SGCD: variants seen among roughly 807,000 people sequenced by gnomAD.
SGCD encodes the protein sarcoglycan delta.
SGCD carries 18 observed loss-of-function variants against 36.6 expected under a neutral mutation model. That is an observed-to-expected ratio of 0.49 (90% CI 0.34 to 0.73). The LOEUF is 0.73. Among genes scored for constraint, SGCD ranks in the 30% least tolerant of loss-of-function variants. The pLI, the probability that SGCD is intolerant of heterozygous loss-of-function variation, is 0.01. For synonymous variants in SGCD, 133 were observed against 130.6 expected (o/e 1.02, Z -0.12); for missense variants, 387 against 346.7 (o/e 1.12, Z -0.92).
intron 1 of SGCD, among the ~76,000 whole-genome samples, chr5:155,892,092 G>A (rs188873283): frequency 6.6e-6 from 1 of 152,260 alleles, no homozygotes; most frequent in East Asian, 1.9e-4. Flanking sequence ...GAATAAATTA[G>A]ACACGTAGTC....
At chr5:156,558,983 G>T (rs796780690) in intron 4 of SGCD, among the ~76,000 whole-genome samples, 9 of 151,530 alleles carry the variant, frequency 5.9e-5, no homozygotes, top group African/African-American at 2.2e-4. Context: ...TGAATGGATT[G>T]CCAAAGCCAT....
intron 3 of SGCD, among the ~76,000 whole-genome samples, chr5:156,359,045 CATAAAT>C (rs1334879036): frequency 1.3e-5 from 2 of 152,124 alleles, no homozygotes; most frequent in African/African-American, 4.8e-5. Context: ...AGAAAAGAAT[CATAAAT>C]AGAAATAGGG....
At chr5:156,477,685 C>CA (rs11411986) in intron 3 of SGCD, among the ~76,000 whole-genome samples, 49,335 of 102,048 alleles carry the variant, frequency 0.48, 10,601 homozygotes, top group South Asian at 0.62. Flanking sequence ...AGTATTTGAG[C>CA]AAAAAAAAAA....
At chr5:155,894,152 T>C (rs1398250287) in intron 1 of SGCD, among the ~76,000 whole-genome samples, 1 of 152,198 alleles carries the variant, frequency 6.6e-6, no homozygotes, top group African/African-American at 2.4e-5. Flanking sequence ...ACTGGCCACT[T>C]AGGCCACACT....
intron 3 of SGCD, among the ~76,000 whole-genome samples, chr5:156,373,167 T>G (rs1318528595): frequency 6.6e-6 from 1 of 152,242 alleles, no homozygotes; most frequent in African/African-American, 2.4e-5. Flanking sequence ...ATTCATGTCT[T>G]TTAGATAATT....
At chr5:156,450,411 G>A (rs1398808790) in intron 3 of SGCD, among the ~76,000 whole-genome samples, 10 of 151,940 alleles carry the variant, frequency 6.6e-5, no homozygotes, top group Non-Finnish European at 1.5e-4. Flanking sequence ...CCAAAGGCAG[G>A]AATTTGGTTC....
chr5:155,872,709 C>T (rs1755680830), intron 1 of SGCD, among the ~76,000 whole-genome samples: 1 of 151,936 alleles, frequency 6.6e-6, no homozygotes, highest in Admixed American at 6.6e-5. Flanking sequence ...GATGCTGTAC[C>T]AAGGGAATTA....
intron 3 of SGCD, among the ~76,000 whole-genome samples, chr5:156,183,101 G>T (rs983547451): frequency 1.3e-5 from 2 of 152,166 alleles, no homozygotes; most frequent in African/African-American, 4.8e-5. Flanking sequence ...CCAACACAGT[G>T]AAATCCCATC....
chr5:156,085,164 TTTGTTGTTG>T (rs375003538), intron 1 of SGCD, among the ~76,000 whole-genome samples: 2,067 of 152,092 alleles, frequency 0.014, 27 homozygotes, highest in Non-Finnish European at 0.023. Flanking sequence ...TTTCATTCTT[TTTGTTGTTG>T]TTGTTGTTGT....
intron 1 of SGCD, among the ~76,000 whole-genome samples, chr5:156,061,919 C>CT (rs757769130): frequency 0.096 from 6,895 of 72,006 alleles, 613 homozygotes; most frequent in Non-Finnish European, 0.11. Context: ...GGAGTTTTCA[C>CT]TTTTTTTTTT....
intron 3 of SGCD, among the ~76,000 whole-genome samples, chr5:156,410,200 A>G (rs753359051): frequency 1.4e-4 from 22 of 152,218 alleles, no homozygotes; most frequent in Non-Finnish European, 2.9e-4. Flanking sequence ...ATGGAATACT[A>G]CACAGCTGTA....
At chr5:156,368,435 T>C (rs1770219891) in intron 3 of SGCD, among the ~76,000 whole-genome samples, 1 of 152,214 alleles carries the variant, frequency 6.6e-6, no homozygotes, top group South Asian at 2.1e-4. Flanking sequence ...TTATTTTCTA[T>C]CTTATGACAT....
intron 1 of SGCD, among the ~76,000 whole-genome samples, chr5:155,885,587 G>A (rs1382476522): frequency 1.3e-5 from 2 of 152,178 alleles, no homozygotes; most frequent in African/African-American, 4.8e-5. Flanking sequence ...TTAAAGGATA[G>A]CTCTGTTCTC....
At chr5:156,678,298 G>A (rs1157102556) in intron 7 of SGCD, among the ~76,000 whole-genome samples, 1 of 152,210 alleles carries the variant, frequency 6.6e-6, no homozygotes, top group Non-Finnish European at 1.5e-5. Flanking sequence ...GAATAAATGG[G>A]TAGGTAGAGA....
chr5:156,692,451 CT>C (rs1174905272), intron 7 of SGCD, among the ~76,000 whole-genome samples: 1 of 152,202 alleles, frequency 6.6e-6, no homozygotes, highest in Non-Finnish European at 1.5e-5. Flanking sequence ...AGATCTAACT[CT>C]GCTATACATG....
At chr5:155,895,517 T>TA (rs1255619914) in intron 1 of SGCD, among the ~76,000 whole-genome samples, 5 of 152,200 alleles carry the variant, frequency 3.3e-5, no homozygotes, top group Non-Finnish European at 7.3e-5. Flanking sequence ...GAAATAACAA[T>TA]AGTGCAGACA....
chr5:156,757,263 C>CAA (rs34767809), intron 7 of SGCD, among the ~76,000 whole-genome samples: 22,358 of 69,342 alleles, frequency 0.32, 9,153 homozygotes, highest in East Asian at 0.6. Context: ...CTTACTTTTA[C>CAA]AAAAAAAAAA....
At chr5:156,392,319 A>G (rs1771615309) in intron 3 of SGCD, among the ~76,000 whole-genome samples, 1 of 152,210 alleles carries the variant, frequency 6.6e-6, no homozygotes, top group African/African-American at 2.4e-5. Context: ...GAAGACACTG[A>G]ATACATGTGG....
intron 1 of SGCD, among the ~76,000 whole-genome samples, chr5:156,006,985 AT>A (rs1427212495): frequency 6.6e-6 from 1 of 152,174 alleles, no homozygotes; most frequent in African/African-American, 2.4e-5. Flanking sequence ...TATCTTTTAC[AT>A]GACGAATACT....
Sources: gnomAD v4.1 joint callset for allele counts (sites outside exome capture counted in the v4.1 genomes callset) on GRCh38, gnomAD v4.1.1 for gene constraint, MANE v1.5 for transcripts, NCBI Gene and HGNC (gene_info 2026-07-23, HGNC 2026-07-21) for gene names.